Variants in CDK2AP2 observed in about 807,000 individuals in gnomAD.
CDK2AP2 encodes the protein cyclin-dependent kinase 2-associated protein 2.
A neutral mutation model predicts 13.0 loss-of-function variants in CDK2AP2; 1 was observed. The observed-to-expected ratio is 0.08, with a 90% confidence interval of 0.03 to 0.37. CDK2AP2 has a LOEUF of 0.37. Among genes scored for constraint, CDK2AP2 ranks in the 10% least tolerant of loss-of-function variants. CDK2AP2 has a pLI of 0.99. For missense variants in CDK2AP2, 129 were observed against 175.8 expected (o/e 0.73, Z 1.50); for synonymous variants, 76 against 73.0 (o/e 1.04, Z -0.21).
At position 67,507,297 on chromosome 11, in the gene CDK2AP2, T is replaced by A; in HGVS notation, c.313+68A>T. On this transcript the variant is annotated intron_variant, in intron 3 of 3. Transcript: ENST00000301488. ...GCTTGGCTCAGGTGGCCTCCAGATG[T>A]CCTTCCTTCCCTCATGAAGGATAGT... 1 of 1,588,676 alleles carries A rather than the reference T, an allele frequency of 6.3e-7. No individual in the cohort carries two copies. The highest frequency in any genetic ancestry group is 8.6e-7 in the Non-Finnish European group (1 of 1,159,642).
At chr11:67,507,530 G>C in intron 2 of CDK2AP2, 33 bp from the exon 3 acceptor site, 1 of 1,613,744 alleles carries the variant, frequency 6.2e-7, no homozygotes, top group Middle Eastern at 1.7e-4. Flanking sequence ...AGTGAGCTCA[G>C]GCACCTGGCG....
chr11:67,506,772 GTCCTTAGTGCTGCCACCTGGAGGGCCAC>G lies in CDK2AP2; in HGVS notation c.*145_*172del. On this transcript the variant is annotated 3_prime_UTR_variant, in exon 4 of 4. Coordinates refer to ENST00000301488, the MANE Select transcript of CDK2AP2 (RefSeq NM_005851.5). Reference sequence around the variant, plus strand: ...CTGCTAACTCTTGTTGTGGGGGGGTGTCCTTAGTGCTGCCACCTGGAGGGCCACTCCTTGGTTCCTGGAGGGGACCCAC... The same window carrying G: ...CTGCTAACTCTTGTTGTGGGGGGGTGTCCTTGGTTCCTGGAGGGGACCCAC... 1.7e-6 allele frequency: 1 copy of G among 599,890 alleles called. No individual in the cohort carries two copies. Among genetic ancestry groups the G allele is most frequent in the Non-Finnish European group, 3.0e-6 (1 of 337,942 alleles). 37.2% of individuals were successfully genotyped at this position (599,890 alleles called of 1,614,324 possible). A position where few individuals can be genotyped will look rare whatever the true frequency, so the allele number is the denominator to read the frequency against.
chr11:67,507,453 C>T lies in CDK2AP2; in HGVS notation c.225G>A (p.Thr75=). 1.2e-6 allele frequency: 2 copies of T among 1,613,946 alleles called. No individual in the cohort carries two copies. The highest frequency in any genetic ancestry group is 1.7e-6 in the Non-Finnish European group (2 of 1,180,030). ...PGAQGSQSTY[T]DLLSVIEEMG... ...TCTCCTCTATGACTGACAGCAGGTC[C>T]GTGTAGGTGCTCTGGGAGCCCTGGG... Residue 75 remains threonine (T), a synonymous_variant, in exon 3 of 4, where the codon ACG becomes ACA. Coordinates refer to ENST00000301488, the MANE Select transcript of CDK2AP2 (RefSeq NM_005851.5).
chr11:67,507,927 G>A, intron 1 of CDK2AP2, 74 bp downstream of exon 1: 2 of 1,548,356 alleles, frequency 1.3e-6, no homozygotes, highest in Non-Finnish European at 1.7e-6. Context: ...GCCCAGTATT[G>A]CAGAACTCAG....
At chr11:67,507,525 G>A in intron 2 of CDK2AP2, 28 bp from the exon 3 acceptor site, 1 of 1,613,780 alleles carries the variant, frequency 6.2e-7, no homozygotes, top group Non-Finnish European at 8.5e-7. Flanking sequence ...AGGGCAGTGA[G>A]CTCAGGCACC....
Position 67,507,625 on chromosome 11 carries a change from G to A in CDK2AP2, c.147C>T (p.Asn49=), listed in dbSNP as rs761408081. 1.7e-5 allele frequency: 28 copies of A among 1,613,554 alleles called. No individual in the cohort carries two copies. The highest frequency in any genetic ancestry group is 2.4e-5 in the Non-Finnish European group (28 of 1,180,032). ...AGCCCATGGAAGGCGGTCCAAAGTC[G>A]TTAAACAGCGGTCTGAAAGGAGCGC... ...GAGAPFRPLF[N]DFGPPSMGYV... is the part of the protein sequence containing the mutation. The change falls in exon 2 of 4, where the codon AAC becomes AAT. Residue 49 remains asparagine (N), a synonymous_variant. Coordinates refer to ENST00000301488, the MANE Select transcript of CDK2AP2 (RefSeq NM_005851.5).
chr11:67,507,959 C>A, intron 1 of CDK2AP2, 42 bp downstream of exon 1: 1 of 1,549,592 alleles, frequency 6.5e-7, no homozygotes, highest in Non-Finnish European at 8.7e-7. Context: ...TTCGAGACCT[C>A]GACCGCCCGG....
At position 67,506,924 on chromosome 11, in the gene CDK2AP2, C is replaced by A; in HGVS notation, c.*21G>T. On this transcript the variant is annotated 3_prime_UTR_variant, in exon 4 of 4. Coordinates refer to ENST00000301488, the MANE Select transcript of CDK2AP2 (RefSeq NM_005851.5). Reference sequence around the variant, plus strand: ...TGCAGTGGCCGGATAGGTCCAGACGCTGAGGCCGAGGCGCTTCCTGTTACG... The same window carrying A: ...TGCAGTGGCCGGATAGGTCCAGACGATGAGGCCGAGGCGCTTCCTGTTACG... The A allele has an allele frequency of 6.5e-7, 1 of 1,550,060 alleles. No homozygotes were observed. Among genetic ancestry groups the A allele is most frequent in the Non-Finnish European group, 8.7e-7 (1 of 1,145,662 alleles).
In CDK2AP2 at chr11:67,508,097, C is replaced by G; in HGVS notation, c.-15G>C. The G allele has an allele frequency of 6.9e-7, 1 of 1,458,518 alleles. No individual in the cohort carries two copies. Among genetic ancestry groups the G allele is most frequent in the South Asian group, 1.4e-5 (1 of 70,644 alleles). The allele number at this position is 1,458,518 out of a possible 1,614,324, so 90.3% of individuals were successfully genotyped here. A position where few individuals can be genotyped will look rare whatever the true frequency, so the allele number is the denominator to read the frequency against. Reference sequence around the variant, plus strand: ...TTGTAGGACATCCCCAACTCCTGGGCGCGGCGGACGCCAGCCGGCCGCTCC... The same window carrying G: ...TTGTAGGACATCCCCAACTCCTGGGGGCGGCGGACGCCAGCCGGCCGCTCC... On this transcript the variant is annotated 5_prime_UTR_variant, in exon 1 of 4. Coordinates refer to ENST00000301488, the MANE Select transcript of CDK2AP2 (RefSeq NM_005851.5).
Position 67,506,746 on chromosome 11 carries a change from G to A in CDK2AP2, c.*199C>T, listed in dbSNP as rs922778540. 6 of 577,362 alleles carry A rather than the reference G, an allele frequency of 1.0e-5. No homozygotes were observed. Among genetic ancestry groups the A allele is most frequent in the East Asian group, 3.0e-5 (1 of 33,414 alleles). 35.8% of individuals were successfully genotyped at this position (577,362 alleles called of 1,614,324 possible). A position where few individuals can be genotyped will look rare whatever the true frequency, so the allele number is the denominator to read the frequency against. On this transcript the variant is annotated 3_prime_UTR_variant, in exon 4 of 4. Transcript: ENST00000301488. ...CATGGGTGGGACTCATGGGGACCTC[G>A]CTGCTAACTCTTGTTGTGGGGGGGT...
rs756053345 is a variant in CDK2AP2 at position 67,507,399 on chromosome 11, A to G, written c.279T>C (p.Ala93=). Residue 93 remains alanine, a synonymous_variant, in exon 3 of 4, where the codon GCT becomes GCC. Coordinates refer to ENST00000301488, the MANE Select transcript of CDK2AP2 (RefSeq NM_005851.5). ...GGCGCTCCATGGCGCTCTTGCTGCC[A>G]GCATAGGTAGGCCGGATCTCTTTGC... The part of the protein sequence containing the change: ...EMGKEIRPTY[A]GSKSAMERLK... The G allele has an allele frequency of 1.1e-4, 176 of 1,613,140 alleles. No individual in the cohort carries two copies. Among genetic ancestry groups the G allele is most frequent in the Non-Finnish European group, 9.3e-6 (11 of 1,180,040 alleles).
chr11:67,507,102 T>C, intron 3 of CDK2AP2, 90 bp from the exon 4 acceptor site: 1 of 1,006,266 alleles, frequency 9.9e-7, no homozygotes, highest in South Asian at 1.6e-5. Context: ...CCCTTTCCAC[T>C]TTCGGCAAAA....
rs1866578511 is a variant in CDK2AP2 at position 67,508,129 on chromosome 11, G to A, written c.-47C>T. 2.8e-6 allele frequency: 4 copies of A among 1,440,136 alleles called. No homozygotes were observed. The highest frequency in any genetic ancestry group is 1.5e-5 in the South Asian group (1 of 65,986). The allele number at this position is 1,440,136 out of a possible 1,614,324, so 89.2% of individuals were successfully genotyped here. A position where few individuals can be genotyped will look rare whatever the true frequency, so the allele number is the denominator to read the frequency against. ...GACGCCAGCCGGCCGCTCCTCGGGGGTTGGCTGCGGGGCCGCTCAGCCGCG... is the reference window on the plus strand; with the variant it reads ...GACGCCAGCCGGCCGCTCCTCGGGGATTGGCTGCGGGGCCGCTCAGCCGCG... On this transcript the variant is annotated 5_prime_UTR_variant, in exon 1 of 4. Coordinates refer to ENST00000301488, the MANE Select transcript of CDK2AP2 (RefSeq NM_005851.5).
intron 3 of CDK2AP2, 126 bp downstream of exon 3, chr11:67,507,239 A>G: frequency 2.7e-6 from 3 of 1,120,556 alleles, no homozygotes; most frequent in Non-Finnish European, 3.9e-6. Context: ...GATTCAAAAC[A>G]CCTCTCTGGT....
chr11:67,507,197 C>T, intron 3 of CDK2AP2, 168 bp downstream of exon 3: 8 of 868,204 alleles, frequency 9.2e-6, no homozygotes, highest in East Asian at 2.5e-5. Context: ...AATTCCCATG[C>T]TCTTCCCTGG....
intron 1 of CDK2AP2, 122 bp downstream of exon 1, chr11:67,507,879 A>T: frequency 6.5e-7 from 1 of 1,542,142 alleles, no homozygotes; most frequent in Non-Finnish European, 8.7e-7. Context: ...CCCACTTCAC[A>T]GGCCAGCAAA....
chr11:67,507,354 G>A lies in CDK2AP2; in HGVS notation c.313+11C>T. 3 of 1,612,082 alleles carry A rather than the reference G, an allele frequency of 1.9e-6. No homozygotes were observed. The highest frequency in any genetic ancestry group is 2.5e-6 in the Non-Finnish European group (3 of 1,180,000). On this transcript the variant is annotated intron_variant, in intron 3 of 3. Transcript: ENST00000301488. ...TCGGTTTCCTGAGCAGGGCGGCCTGGCCTCACTTACCTCTCTTCAGGCGCT... is the reference window on the plus strand; with the variant it reads ...TCGGTTTCCTGAGCAGGGCGGCCTGACCTCACTTACCTCTCTTCAGGCGCT...
At chr11:67,507,948 CT>C in intron 1 of CDK2AP2, 52 bp downstream of exon 1, 2 of 1,549,472 alleles carry the variant, frequency 1.3e-6, no homozygotes, top group Non-Finnish European at 1.7e-6. Context: ...GCCGTCTTCT[CT>C]TCGAGACCTC....
intron 1 of CDK2AP2, 69 bp from the exon 2 acceptor site, chr11:67,507,758 C>A: frequency 6.3e-7 from 1 of 1,585,532 alleles, no homozygotes; most frequent in African/African-American, 1.3e-5. Flanking sequence ...TTTCCAAGCC[C>A]AGGACCGGGT....
Sources: allele counts gnomAD v4.1 joint callset, GRCh38; gene constraint gnomAD v4.1.1; transcripts MANE v1.5; gene names NCBI Gene and HGNC (gene_info 2026-07-23, HGNC 2026-07-21).